The following TEX15 variants were observed in gnomAD, a reference collection of about 807,000 sequenced individuals.
TEX15 encodes the protein testis expressed 15, meiosis and synapsis associated, also known as testis-expressed protein 15.
A neutral mutation model predicts 237.3 loss-of-function variants in TEX15; 171 were observed. The observed-to-expected ratio is 0.72, with a 90% CI of 0.64 to 0.82. The LOEUF (loss-of-function observed/expected upper bound fraction) is 0.82. Among genes scored for constraint, TEX15 ranks in the 40% least tolerant of loss-of-function variants. TEX15 has a pLI of 0.00. For synonymous variants in TEX15, 1,338 were observed against 1,269.8 expected (o/e 1.05, Z -1.14); for missense variants, 3,750 against 3,646.5 (o/e 1.03, Z -0.73).
intron 2 of TEX15, among the ~76,000 whole-genome samples, chr8:30,889,937 A>ATATATACACATATATATATATATATGTG (rs1563273099): frequency 1.6e-5 from 2 of 124,320 alleles, no homozygotes; most frequent in Non-Finnish European, 3.2e-5. Flanking sequence ...TTATATACAT[A>ATATATACACATATATATATATATATGTG]TATATATATA....
intron 5 of TEX15, among the ~76,000 whole-genome samples, chr8:30,863,076 G>T (rs1000193303): frequency 6.6e-6 from 1 of 152,056 alleles, no homozygotes; most frequent in African/African-American, 2.4e-5. Context: ...GGGAACGCTT[G>T]AATAGCATAC....
intron 2 of TEX15, among the ~76,000 whole-genome samples, chr8:30,892,706 T>A (rs1330099208): frequency 6.6e-6 from 1 of 152,226 alleles, no homozygotes; most frequent in Non-Finnish European, 1.5e-5. Flanking sequence ...ATATATGGTA[T>A]CTTTAAAACT....
At chr8:30,886,059 T>G (rs1309756697) in intron 3 of TEX15, among the ~76,000 whole-genome samples, 1 of 152,224 alleles carries the variant, frequency 6.6e-6, no homozygotes, top group Non-Finnish European at 1.5e-5. Context: ...GTGTCAATCT[T>G]GATGTTGGCA....
Position 30,843,738 on chromosome 8 carries a change from C to G in TEX15, c.6429G>C (p.Gln2143His), listed in dbSNP as rs1441686667. 6.2e-7 allele frequency: 1 copy of G among 1,613,358 alleles called. No homozygotes were observed. Among genetic ancestry groups the G allele is most frequent in the Non-Finnish European group, 8.5e-7 (1 of 1,179,634 alleles). ...RLKYNAFCEL[Q>H]TYHDQLVELL... The stretch of plus-strand genomic sequence containing the variant: ...ATTCAACTAATTGATCATGGTAAGT[C>G]TGTAACTCACAGAATGCATTATATT... The change falls in exon 8 of 11, where the codon CAG becomes CAC. Residue 2143 changes from glutamine to histidine, a missense_variant. Physicochemically the swap from Gln to His is conservative, Grantham distance 24 (BLOSUM62 0). Coordinates refer to ENST00000643185, the MANE Select transcript of TEX15 (RefSeq NM_001350162.2).
chr8:30,866,072 CT>C (rs1472059527), intron 5 of TEX15, among the ~76,000 whole-genome samples: 1 of 151,954 alleles, frequency 6.6e-6, no homozygotes, highest in African/African-American at 2.4e-5. Flanking sequence ...CCTCTTAGAA[CT>C]GATAAATTCA....
In TEX15 at chr8:30,889,938, T is replaced by TATATATATAC. The variant is rs1554502288; in HGVS notation, c.-9-2628_-9-2627insGTATATATAT. ...TATTTATGTATTAGTTATATACATATATATATATATATATACATATATATA... is the reference window on the plus strand; with the variant it reads ...TATTTATGTATTAGTTATATACATATATATATATACATATATATATATATACATATATATA... On this transcript the variant is annotated intron_variant, in intron 2 of 10. Coordinates refer to ENST00000643185, the MANE Select transcript of TEX15 (RefSeq NM_001350162.2). 7.3e-3 allele frequency among the ~76,000 whole-genome samples: 936 copies of TATATATATAC among 127,510 alleles called. 50 individuals carry two copies. The highest frequency in any genetic ancestry group is 0.033 in the African/African-American group (893 of 27,456). 83.7% of individuals were successfully genotyped at this position (127,510 alleles called of 152,430 possible).
intron 2 of TEX15, among the ~76,000 whole-genome samples, chr8:30,894,021 ACT>A (rs763996421): frequency 6.6e-6 from 1 of 151,944 alleles, no homozygotes; most frequent in African/African-American, 2.4e-5. Context: ...TGGTTCACTG[ACT>A]CTCTTCAGCT....
chr8:30,912,638 G>A (rs934297592), intron 1 of TEX15, among the ~76,000 whole-genome samples: 5 of 152,244 alleles, frequency 3.3e-5, no homozygotes, highest in Admixed American at 2.6e-4. Flanking sequence ...TTCACCTGTA[G>A]AGTCGGCTGC....
At position 30,849,315 on chromosome 8, in the gene TEX15, T is replaced by G. The variant is rs750441164; in HGVS notation, c.852A>C (p.Glu284Asp). The change falls in exon 8 of 11, where the codon GAA becomes GAC. Residue 284 changes from glutamate (E) to aspartate (D), a missense_variant and splice_region_variant. Coordinates refer to ENST00000643185, the MANE Select transcript of TEX15 (RefSeq NM_001350162.2). ...FLSTGFPKRA[E>D]RTCSLNNCTV... is the part of the protein sequence containing the mutation. ...TACAGTTATTCAGAGAGCATGTCCT[T>G]TCTGTGGAAATAATAAGGAAGACAA... 4.0e-5 allele frequency: 59 copies of G among 1,493,314 alleles called. No individual in the cohort carries two copies. The highest frequency in any genetic ancestry group is 1.2e-5 in the Non-Finnish European group (13 of 1,127,928). The allele number at this position is 1,493,314 out of a possible 1,614,324, so 92.5% of individuals were successfully genotyped here. A position where few individuals can be genotyped will look rare whatever the true frequency, so the allele number is the denominator to read the frequency against.
rs1273620533 is a variant in TEX15 at position 30,831,749 on chromosome 8, G to A, written c.*1537C>T. The A allele has an allele frequency of 6.6e-6, 1 of 152,162 alleles. No homozygotes were observed. The highest frequency in any genetic ancestry group is 1.5e-5 in the Non-Finnish European group (1 of 68,026). The allele number at this position is 152,162 out of a possible 1,614,324, so 9.4% of individuals were successfully genotyped here. A position where few individuals can be genotyped will look rare whatever the true frequency, so the allele number is the denominator to read the frequency against. ...ACTTTTGGTTTACATATTAGTAGTA[G>A]TATTAACTATAAATGCTGTAACATC... is the stretch of plus-strand genomic sequence containing the variant. On this transcript the variant is annotated 3_prime_UTR_variant, in exon 11 of 11. Coordinates refer to ENST00000643185, the MANE Select transcript of TEX15 (RefSeq NM_001350162.2).
At chr8:30,886,509 T>C (rs1808649064) in intron 3 of TEX15, among the ~76,000 whole-genome samples, 1 of 152,152 alleles carries the variant, frequency 6.6e-6, no homozygotes, top group South Asian at 2.1e-4. Flanking sequence ...TCAACTGACA[T>C]TGCAGGAGCA....
chr8:30,887,889 C>CATATATATATAT (rs36204928), intron 2 of TEX15: 4 of 108,056 alleles, frequency 3.7e-5, no homozygotes, highest in South Asian at 3.4e-4. Flanking sequence ...ATATATATTT[C>CATATATATATAT]ATATATATAT....
In TEX15 at chr8:30,843,655, C is replaced by T. The variant is rs1200035577; in HGVS notation, c.6512G>A (p.Arg2171Gln). Residue 2171 changes from arginine to glutamine, a missense_variant, in exon 8 of 11, where the codon CGA (arginine) becomes CAA (glutamine). Coordinates refer to ENST00000643185, the MANE Select transcript of TEX15 (RefSeq NM_001350162.2). ...TATGGCTTCACATTCATTAACCTGT[C>T]GTTTGTACTTTAAGAATACATAGTA... ...NSYYVFLKYK[R>Q]QVNECEAIME... 2 of 1,612,064 alleles carry T rather than the reference C, an allele frequency of 1.2e-6. No individual in the cohort carries two copies. The highest frequency in any genetic ancestry group is 1.3e-5 in the African/African-American group (1 of 74,836).
chr8:30,833,793 C>T (rs1232726942), intron 10 of TEX15, among the ~76,000 whole-genome samples: 1 of 152,038 alleles, frequency 6.6e-6, no homozygotes, highest in African/African-American at 2.4e-5. Flanking sequence ...GCAATTGCCT[C>T]CTTAATTTTT....
At chr8:30,862,116 T>C (rs1194383447) in intron 5 of TEX15, among the ~76,000 whole-genome samples, 1 of 152,148 alleles carries the variant, frequency 6.6e-6, no homozygotes, top group Non-Finnish European at 1.5e-5. Context: ...AATCAAAAGA[T>C]GTAAAAATGT....
intron 9 of TEX15, 52 bp from the exon 10 acceptor site, chr8:30,838,113 A>C (rs747815031): frequency 7.0e-7 from 1 of 1,431,740 alleles, no homozygotes; most frequent in Non-Finnish European, 9.3e-7. Flanking sequence ...TAGGGTCATA[A>C]AATTTTAATG....
chr8:30,867,212 G>C lies in TEX15; in HGVS notation c.540+53C>G. Reference sequence around the variant, plus strand: ...TATATCGAAAGGATAATATGTTCAGGTCAATTCAAAGCAAACTGTCCATAT... The same window carrying C: ...TATATCGAAAGGATAATATGTTCAGCTCAATTCAAAGCAAACTGTCCATAT... On this transcript the variant is annotated intron_variant, in intron 5 of 10. Transcript: ENST00000643185. 12 of 802,744 alleles carry C rather than the reference G, an allele frequency of 1.5e-5. 1 individual carries two copies. In the South Asian group the frequency reaches 2.0e-4, roughly 14 times the overall value. 49.7% of individuals were successfully genotyped at this position (802,744 alleles called of 1,614,324 possible).
At chr8:30,892,245 A>G (rs2128777241) in intron 2 of TEX15, among the ~76,000 whole-genome samples, 1 of 152,276 alleles carries the variant, frequency 6.6e-6, no homozygotes, top group East Asian at 1.9e-4. Flanking sequence ...TTTTAAAACA[A>G]CCTTTCTTAT....
chr8:30,901,214 A>G (rs773926499), intron 1 of TEX15, among the ~76,000 whole-genome samples: 1 of 152,210 alleles, frequency 6.6e-6, no homozygotes, highest in African/African-American at 2.4e-5. Flanking sequence ...GAAGCTATCT[A>G]GTAGAGTACC....
Sources: gnomAD v4.1 joint callset for allele counts (sites outside exome capture counted in the v4.1 genomes callset) on GRCh38, gnomAD v4.1.1 for gene constraint, MANE v1.5 for transcripts, NCBI Gene and HGNC (gene_info 2026-07-23, HGNC 2026-07-21) for gene names.